Variants in CCDC178 observed in about 807,000 individuals in gnomAD.
The protein encoded by CCDC178 is coiled-coil domain containing 178, also known as coiled-coil domain-containing protein 178.
In CCDC178, 126 loss-of-function variants were observed where a neutral mutation model predicts 117.4. That is an observed-to-expected ratio of 1.07 (90% confidence interval 0.93 to 1.24). The LOEUF (loss-of-function observed/expected upper bound fraction) is 1.24, where lower values mean the gene tolerates loss of function less well. Among genes scored for constraint, CCDC178 ranks in the 50% most tolerant of loss-of-function variants. The pLI, the probability that CCDC178 is intolerant of heterozygous loss-of-function variation, is 0.00. For missense variants in CCDC178, 1,030 were observed against 986.9 expected (o/e 1.04, Z -0.59); for synonymous variants, 283 against 313.4 (o/e 0.90, Z 1.02).
intron 21 of CCDC178, among the ~76,000 whole-genome samples, chr18:33,022,868 A>G (rs375275721): frequency 3.3e-4 from 50 of 152,180 alleles, no homozygotes; most frequent in African/African-American, 1.2e-3. Context: ...AATGATATAT[A>G]GGGGGGCTGG....
chr18:33,426,176 T>C (rs2064122390), intron 2 of CCDC178, among the ~76,000 whole-genome samples: 2 of 152,246 alleles, frequency 1.3e-5, no homozygotes, highest in South Asian at 4.1e-4. Flanking sequence ...CCTGAAGTGC[T>C]GGGATTACAG....
chr18:32,973,907 A>C lies in CCDC178; in HGVS notation c.2523+640T>G, dbSNP rs575355438. Among the ~76,000 whole-genome samples, 3 of 152,266 alleles carry C rather than the reference A, an allele frequency of 2.0e-5. No individual in the cohort carries two copies. The South Asian group carries it at 6.2e-4, about 32-fold the overall frequency. ...GTAACATGTGATATGGTAAAACATT[A>C]ATTTTTTAAAAGTTTAAGTAATATT... On this transcript the variant is annotated intron_variant, in intron 22 of 22. Coordinates refer to ENST00000383096, the MANE Select transcript of CCDC178 (RefSeq NM_001105528.4).
intron 15 of CCDC178, among the ~76,000 whole-genome samples, chr18:33,230,416 G>A (rs1477390343): frequency 6.6e-6 from 1 of 152,116 alleles, no homozygotes; most frequent in Non-Finnish European, 1.5e-5. Context: ...CTAGAGCCTG[G>A]ACACATTCTA....
intron 12 of CCDC178, among the ~76,000 whole-genome samples, chr18:33,282,170 G>A (rs991795561): frequency 1.3e-5 from 2 of 152,164 alleles, no homozygotes; most frequent in Non-Finnish European, 2.9e-5. Flanking sequence ...AACTGGCTAG[G>A]AGCAACTTGC....
chr18:32,952,913 C>G (rs1044427293), intron 22 of CCDC178, among the ~76,000 whole-genome samples: 1 of 151,764 alleles, frequency 6.6e-6, no homozygotes, highest in Non-Finnish European at 1.5e-5. Context: ...GCTGGGACTA[C>G]AGGCACCCAC....
intron 21 of CCDC178, among the ~76,000 whole-genome samples, chr18:32,975,192 TAA>T (rs1172941865): frequency 1.3e-5 from 2 of 152,150 alleles, no homozygotes; most frequent in African/African-American, 4.8e-5. Context: ...ATGACAAAAC[TAA>T]AGAGAATTAA....
intron 20 of CCDC178, among the ~76,000 whole-genome samples, chr18:33,211,065 TATA>T (rs1255288980): frequency 6.6e-6 from 1 of 151,728 alleles, no homozygotes; most frequent in African/African-American, 2.4e-5. Context: ...GAAATATTGA[TATA>T]ATAATTGAAT....
At chr18:33,343,150 C>T (rs543381202) in intron 9 of CCDC178, among the ~76,000 whole-genome samples, 15 of 151,864 alleles carry the variant, frequency 9.9e-5, no homozygotes, top group Non-Finnish European at 1.5e-4. Flanking sequence ...TAGGAAAATA[C>T]CCATGGAGCC....
At chr18:33,248,889 T>A (rs974886349) in intron 14 of CCDC178, among the ~76,000 whole-genome samples, 13 of 152,150 alleles carry the variant, frequency 8.5e-5, no homozygotes, top group Admixed American at 7.9e-4. Context: ...ACCAACAGTG[T>A]AAAAGTGTTC....
At position 33,400,096 on chromosome 18, in the gene CCDC178, ATT is replaced by A. The variant is rs34890018; in HGVS notation, c.59-2890_59-2889del. Among the ~76,000 whole-genome samples the A allele has an allele frequency of 5.8e-3, 805 of 137,670 alleles. 4 individuals are homozygous for A. The highest frequency in any genetic ancestry group is 0.017 in the African/African-American group (647 of 37,454). The allele number at this position is 137,670 out of a possible 152,430, so 90.3% of individuals were successfully genotyped here. ...TCAGTGGAAGTAATATTTTAAAGAA[ATT>A]TTTTTTTTTTTTTTTTTGAGCAGTA... On this transcript the variant is annotated intron_variant, in intron 3 of 22. Transcript: ENST00000383096.
chr18:33,153,861 A>T (rs2144352043), intron 20 of CCDC178, among the ~76,000 whole-genome samples: 1 of 151,812 alleles, frequency 6.6e-6, no homozygotes, highest in African/African-American at 2.4e-5. Context: ...TGTAAATAAT[A>T]TATATATATG....
At chr18:33,340,548 A>C (rs985239185) in intron 9 of CCDC178, among the ~76,000 whole-genome samples, 17 of 152,154 alleles carry the variant, frequency 1.1e-4, no homozygotes, top group African/African-American at 4.1e-4. Flanking sequence ...CTCCCATCAC[A>C]AGCCTGGAGG....
Position 33,224,894 on chromosome 18 carries a change from T to C in CCDC178, c.1699A>G (p.Lys567Glu). Residue 567 changes from lysine (K) to glutamate (E), a missense_variant, in exon 17 of 23, where the codon AAA (lysine) becomes GAA (glutamate). Physicochemically the swap from Lys to Glu is moderately conservative, Grantham distance 56. Transcript: ENST00000383096. The stretch of plus-strand genomic sequence containing the variant: ...ATTGCTCTATTTTTTATAAGCTCTT[T>C]CCGCTCAAGTGCCTGGACTTCGTAA... Reference protein sequence around the residue: ...SIYEVQALERKELIKNRAICA... With the variant: ...SIYEVQALEREELIKNRAICA... 2 of 1,558,386 alleles carry C rather than the reference T, an allele frequency of 1.3e-6. No individual in the cohort carries two copies. The highest frequency in any genetic ancestry group is 1.2e-5 in the South Asian group (1 of 81,704).
At chr18:33,268,680 C>T (rs767078330) in intron 12 of CCDC178, among the ~76,000 whole-genome samples, 4 of 151,380 alleles carry the variant, frequency 2.6e-5, no homozygotes, top group Admixed American at 6.6e-5. Context: ...TTAAATAAGA[C>T]GACCATGAAA....
chr18:33,116,508 C>T (rs921980861), intron 20 of CCDC178, among the ~76,000 whole-genome samples: 3 of 152,218 alleles, frequency 2.0e-5, no homozygotes, highest in Middle Eastern at 3.4e-3. Flanking sequence ...GCTGGGTTCC[C>T]GGCTTAGTGT....
At chr18:33,219,048 G>A (rs887965910) in intron 18 of CCDC178, among the ~76,000 whole-genome samples, 1 of 152,078 alleles carries the variant, frequency 6.6e-6, no homozygotes, top group Non-Finnish European at 1.5e-5. Context: ...TGGGCAGTAT[G>A]GCAGTTTTCA....
At chr18:33,383,426 C>T (rs1019522536) in intron 5 of CCDC178, among the ~76,000 whole-genome samples, 1 of 152,002 alleles carries the variant, frequency 6.6e-6, no homozygotes, top group African/African-American at 2.4e-5. Context: ...CTGGGTGAGA[C>T]CTCCCAACTA....
At chr18:33,306,737 GCTGTGTCCCCA>G (rs1208087300) in intron 11 of CCDC178, among the ~76,000 whole-genome samples, 1 of 151,412 alleles carries the variant, frequency 6.6e-6, no homozygotes, top group African/African-American at 2.4e-5. Context: ...ATAAGATTTG[GCTGTGTCCCCA>G]CCCAAATCTC....
At position 33,179,333 on chromosome 18, in the gene CCDC178, G is replaced by C. The variant is rs1434133457; in HGVS notation, c.2238+32563C>G. On this transcript the variant is annotated intron_variant, in intron 20 of 22. Transcript: ENST00000383096. ...ATATTGATGGTTGAATTATAGATCTGGGTTTATTGACAACTTTTCTCTTTT... is the reference window on the plus strand; with the variant it reads ...ATATTGATGGTTGAATTATAGATCTCGGTTTATTGACAACTTTTCTCTTTT... Among the ~76,000 whole-genome samples the C allele has an allele frequency of 2.0e-5, 3 of 150,670 alleles. No homozygotes were observed. In the East Asian group the frequency reaches 5.9e-4, roughly 30 times the overall value.
Sources: gnomAD v4.1 joint callset for allele counts (sites outside exome capture counted in the v4.1 genomes callset) on GRCh38, gnomAD v4.1.1 for gene constraint, MANE v1.5 for transcripts, NCBI Gene and HGNC (gene_info 2026-07-23, HGNC 2026-07-21) for gene names.